Variants in AR observed in about 807,000 individuals in gnomAD.
AR encodes the protein androgen receptor.
Under a neutral mutation model 53.9 loss-of-function variants are expected in AR, and 8 were observed. The ratio of observed to expected loss-of-function variants is 0.15; its 90% CI spans 0.09 to 0.27. The LOEUF is 0.27. Among genes scored for constraint, AR ranks in the 10% least tolerant of loss-of-function variants. AR has a pLI of 1.00. For synonymous variants in AR, 359 were observed against 316.4 expected, an observed-to-expected ratio of 1.13 and a Z score of -1.43; for missense variants, 639 against 742.5, an observed-to-expected ratio of 0.86 and a Z score of 1.62.
intron 4 of AR, among the ~76,000 whole-genome samples, chrX:67,714,624 G>A (rs1010296267): frequency 8.9e-6 from 1 of 112,123 alleles, no homozygotes; most frequent in African/African-American, 3.2e-5. Context: ...GGATTCTAGT[G>A]AGAAAACAGA....
chrX:67,619,425 A>T (rs1924271754), intron 1 of AR, among the ~76,000 whole-genome samples: 1 of 110,793 alleles, frequency 9.0e-6, no homozygotes, highest in Non-Finnish European at 1.9e-5. Flanking sequence ...TGGCAGTGAT[A>T]GGTGGGGTGC....
At chrX:67,583,728 A>G (rs142807145) in intron 1 of AR, among the ~76,000 whole-genome samples, 2,447 of 112,191 alleles carry the variant, frequency 0.022, 68 homozygotes, top group African/African-American at 0.075. Flanking sequence ...TTAGGACTCA[A>G]GTAGTATGTC....
At chrX:67,630,571 G>A (rs1187579233) in intron 1 of AR, among the ~76,000 whole-genome samples, 2 of 111,157 alleles carry the variant, frequency 1.8e-5, no homozygotes. Flanking sequence ...ACAGCACACT[G>A]ATGGGTCTTG....
intron 1 of AR, among the ~76,000 whole-genome samples, chrX:67,633,107 T>TA (rs1275898037): frequency 8.9e-6 from 1 of 112,475 alleles, no homozygotes; most frequent in Non-Finnish European, 1.9e-5. Flanking sequence ...TGCAAGTCTT[T>TA]AAAAAATTAC....
intron 2 of AR, among the ~76,000 whole-genome samples, chrX:67,669,445 T>C (rs184635454): frequency 5.5e-4 from 61 of 111,733 alleles, no homozygotes; most frequent in African/African-American, 1.8e-3. Flanking sequence ...TTTTTAAAAC[T>C]TGTTTTGTGA....
At chrX:67,589,531 G>C (rs1294510525) in intron 1 of AR, among the ~76,000 whole-genome samples, 1 of 111,749 alleles carries the variant, frequency 8.9e-6, no homozygotes, top group Non-Finnish European at 1.9e-5. Context: ...GTCCTCTTCT[G>C]TTGTATTCAC....
intron 1 of AR, among the ~76,000 whole-genome samples, chrX:67,575,622 A>C (rs1259449849): frequency 3.6e-5 from 4 of 112,050 alleles, no homozygotes; most frequent in African/African-American, 6.5e-5. Context: ...TAAGAGCTGT[A>C]CTCAGATACT....
chrX:67,712,104 G>A (rs1338777864), intron 4 of AR, among the ~76,000 whole-genome samples: 1 of 111,866 alleles, frequency 8.9e-6, no homozygotes, highest in Non-Finnish European at 1.9e-5. Context: ...ATCTTTAGGA[G>A]CTATATCATG....
At position 67,635,944 on chromosome X, in the gene AR, T is replaced by C. The variant is rs530414234; in HGVS notation, c.1617-7312T>C. Among the ~76,000 whole-genome samples, 9 of 111,814 alleles carry C rather than the reference T, an allele frequency of 8.0e-5. No individual in the cohort carries two copies. The South Asian group carries it at 3.4e-3, about 42-fold the overall frequency. On this transcript the variant is annotated intron_variant, in intron 1 of 7. Coordinates refer to ENST00000374690, the MANE Select transcript of AR (RefSeq NM_000044.6). ...AATTAGGATGTTATCTAGGAGCATA[T>C]TCAAAACTTTTGAGGTTTTTATTTT...
intron 2 of AR, among the ~76,000 whole-genome samples, chrX:67,662,080 CT>C (rs1469466292): frequency 9.0e-6 from 1 of 111,527 alleles, no homozygotes; most frequent in Non-Finnish European, 1.9e-5. Flanking sequence ...ATTCTTCTCC[CT>C]TTTCTTCTTT....
At chrX:67,589,735 C>A (rs1047953228) in intron 1 of AR, among the ~76,000 whole-genome samples, 25 of 111,678 alleles carry the variant, frequency 2.2e-4, no homozygotes, top group African/African-American at 7.8e-4. Context: ...GGCAGCCATG[C>A]CTTTGGTGTG....
intron 5 of AR, among the ~76,000 whole-genome samples, 182 bp from the exon 6 acceptor site, chrX:67,721,651 A>G (rs950289057): frequency 2.7e-5 from 3 of 111,212 alleles, no homozygotes; most frequent in South Asian, 3.8e-4. Context: ...ACAGAGAGAG[A>G]AAAAAAACAA....
chrX:67,679,887 C>T (rs1047776509), intron 2 of AR, among the ~76,000 whole-genome samples: 3 of 111,564 alleles, frequency 2.7e-5, no homozygotes, highest in African/African-American at 9.7e-5. Flanking sequence ...GTTTATTTCA[C>T]ATAAGAAATT....
chrX:67,593,427 T>A (rs1270220213), intron 1 of AR, among the ~76,000 whole-genome samples: 1 of 108,237 alleles, frequency 9.2e-6, no homozygotes, highest in Non-Finnish European at 1.9e-5. Context: ...AGTGGAGTGA[T>A]CTTGGCTCAC....
chrX:67,681,318 C>T (rs911868025), intron 2 of AR, among the ~76,000 whole-genome samples: 27 of 111,474 alleles, frequency 2.4e-4, no homozygotes, highest in African/African-American at 8.8e-4. Flanking sequence ...CTAGAACCAC[C>T]TTACAGCAGG....
At chrX:67,714,797 A>G (rs187179788) in intron 4 of AR, among the ~76,000 whole-genome samples, 2 of 111,679 alleles carry the variant, frequency 1.8e-5, no homozygotes, top group Non-Finnish European at 3.8e-5. Context: ...TCTTTCCTCA[A>G]GTAATCCCTT....
At chrX:67,635,387 T>C (rs1162048473) in intron 1 of AR, among the ~76,000 whole-genome samples, 1 of 111,284 alleles carries the variant, frequency 9.0e-6, no homozygotes, top group Non-Finnish European at 1.9e-5. Context: ...TCCAAATCCT[T>C]GTTGGGTTGC....
chrX:67,701,161 G>A (rs917675808), intron 3 of AR, among the ~76,000 whole-genome samples: 1 of 111,011 alleles, frequency 9.0e-6, no homozygotes, highest in African/African-American at 3.3e-5. Context: ...GAGACTGAGG[G>A]ATTATATTTT....
intron 1 of AR, among the ~76,000 whole-genome samples, chrX:67,630,269 G>C (rs1925000531): frequency 9.0e-6 from 1 of 111,159 alleles, no homozygotes; most frequent in Admixed American, 9.5e-5. Flanking sequence ...ATGTGTGAGA[G>C]TCTAAGTCTC....
Sources: gnomAD v4.1 joint callset for allele counts (sites outside exome capture counted in the v4.1 genomes callset) on GRCh38, gnomAD v4.1.1 for gene constraint, MANE v1.5 for transcripts, NCBI Gene and HGNC (gene_info 2026-07-23, HGNC 2026-07-21) for gene names.